Variants in TNKS observed in about 807,000 individuals in gnomAD.
TNKS encodes tankyrase.
A neutral mutation model predicts 135.8 loss-of-function variants in TNKS; 72 were observed. The observed-to-expected ratio is 0.53, with a 90% CI of 0.44 to 0.64. The LOEUF is 0.64. TNKS is among the 30% of genes least tolerant of loss of function. The pLI, the probability that TNKS is intolerant of heterozygous loss-of-function variation, is 0.00. For missense variants in TNKS, 1,769 were observed against 1,674.0 expected (o/e 1.06, Z -0.99); for synonymous variants, 849 against 649.3 (o/e 1.31, Z -4.68).
rs554253791 is a variant in TNKS at position 9,778,526 on chromosome 8, T to C, written c.*1790T>C. 3.3e-5 allele frequency: 5 copies of C among 152,788 alleles called. No individual in the cohort carries two copies. Among genetic ancestry groups the C allele is most frequent in the Non-Finnish European group, 1.5e-5 (1 of 68,030 alleles). The allele number at this position is 152,788 out of a possible 1,614,324, so 9.5% of individuals were successfully genotyped here. A position where few individuals can be genotyped will look rare whatever the true frequency, so the allele number is the denominator to read the frequency against. Reference sequence around the variant, plus strand: ...TTGAATGTTTGTAGCTGAATTTTTATGGGTCCTCAAAATTAAATCGAGAAT... The same window carrying C: ...TTGAATGTTTGTAGCTGAATTTTTACGGGTCCTCAAAATTAAATCGAGAAT... On this transcript the variant is annotated 3_prime_UTR_variant, in exon 27 of 27. Coordinates refer to ENST00000310430, the MANE Select transcript of TNKS (RefSeq NM_003747.3).
chr8:9,706,516 C>T (rs1804053603), intron 7 of TNKS, among the ~76,000 whole-genome samples: 1 of 152,182 alleles, frequency 6.6e-6, no homozygotes, highest in Non-Finnish European at 1.5e-5. Flanking sequence ...GGGTGTGCCA[C>T]CACGCACAGC....
intron 2 of TNKS, among the ~76,000 whole-genome samples, chr8:9,609,269 G>A (rs1208062548): frequency 6.6e-6 from 1 of 152,144 alleles, no homozygotes; most frequent in East Asian, 1.9e-4. Context: ...TATCTTGGCT[G>A]TGCACTGGAC....
intron 3 of TNKS, among the ~76,000 whole-genome samples, chr8:9,675,887 G>C (rs1802510994): frequency 6.6e-6 from 1 of 152,060 alleles, no homozygotes; most frequent in Non-Finnish European, 1.5e-5. Flanking sequence ...CTGAAATTGG[G>C]GTTGAGGTGA....
Position 9,576,429 on chromosome 8 carries a change from A to G in TNKS, c.674-3730A>G, listed in dbSNP as rs540956742. ...GGAAGCAATCATGGTGGGGCAGGAG[A>G]GAGACAGCAGAAAGCGGGAGGTGCC... On this transcript the variant is annotated intron_variant, in intron 1 of 26. Coordinates refer to ENST00000310430, the MANE Select transcript of TNKS (RefSeq NM_003747.3). Among the ~76,000 whole-genome samples the G allele has an allele frequency of 1.3e-4, 19 of 151,458 alleles. 3 individuals carry two copies. Among genetic ancestry groups the G allele is most frequent in the African/African-American group, 4.1e-4 (17 of 41,368 alleles).
intron 20 of TNKS, among the ~76,000 whole-genome samples, chr8:9,755,489 A>G (rs1391449758): frequency 6.6e-6 from 1 of 152,224 alleles, no homozygotes; most frequent in Non-Finnish European, 1.5e-5. Context: ...TGTCTGGCCC[A>G]ATCATCAAGC....
intron 5 of TNKS, among the ~76,000 whole-genome samples, chr8:9,700,064 A>G (rs1803721609): frequency 6.6e-6 from 1 of 152,122 alleles, no homozygotes; most frequent in Admixed American, 6.5e-5. Context: ...TCTTCTGAGA[A>G]TCTTCCCTGG....
intron 3 of TNKS, among the ~76,000 whole-genome samples, chr8:9,652,803 C>G (rs1801193815): frequency 6.6e-6 from 1 of 152,004 alleles, no homozygotes; most frequent in Admixed American, 6.6e-5. Flanking sequence ...TGTTTTATTT[C>G]CATTATCCCT....
In TNKS at chr8:9,751,727, C is replaced by T. The variant is rs374610047; in HGVS notation, c.2951C>T (p.Ser984Phe). The T allele has an allele frequency of 6.2e-7, 1 of 1,614,220 alleles. No homozygotes were observed. The highest frequency in any genetic ancestry group is 8.5e-7 in the Non-Finnish European group (1 of 1,180,030). ...ASLISPASTPSCLSAASSIDN... is the reference protein window; with the variant it reads ...ASLISPASTPFCLSAASSIDN... ...CTGATCTCACCAGCATCCACCCCCT[C>T]CTGCCTCTCGGCTGCCAGCAGCATA... Residue 984 changes from serine to phenylalanine, a missense_variant, in exon 19 of 27, where the codon TCC becomes TTC. Around this residue, in one of 5 missense-constraint regions of TNKS, gnomAD observed 722 missense variants for 688.9 expected, o/e 1.05. Transcript: ENST00000310430.
At chr8:9,679,016 A>G (rs1332948826) in intron 3 of TNKS, among the ~76,000 whole-genome samples, 5 of 152,170 alleles carry the variant, frequency 3.3e-5, no homozygotes, top group Admixed American at 6.5e-5. Flanking sequence ...TTGTCCTTCA[A>G]TTGAGCTTGC....
Position 9,735,494 on chromosome 8 carries a change from T to C in TNKS, c.2643+8T>C. On this transcript the variant is annotated splice_region_variant and intron_variant, in intron 17 of 26. Coordinates refer to ENST00000310430, the MANE Select transcript of TNKS (RefSeq NM_003747.3). ...AATGCGGCATCTTATGGGGTAAGCA[T>C]ACTAACATTAAAATCTAGAAAACTG... 1.2e-6 allele frequency: 2 copies of C among 1,609,174 alleles called. No individual in the cohort carries two copies. The highest frequency in any genetic ancestry group is 1.3e-5 in the African/African-American group (1 of 74,928).
intron 3 of TNKS, among the ~76,000 whole-genome samples, chr8:9,622,471 A>C (rs1433183968): frequency 6.6e-6 from 1 of 152,212 alleles, no homozygotes; most frequent in East Asian, 1.9e-4. Context: ...TCATTTTTAC[A>C]GATGGAGAGG....
intron 3 of TNKS, among the ~76,000 whole-genome samples, chr8:9,676,694 G>A (rs555455977): frequency 6.6e-6 from 1 of 151,346 alleles, no homozygotes; most frequent in Admixed American, 6.6e-5. Flanking sequence ...CTCTGTGTGT[G>A]TGTGTGTGTG....
intron 20 of TNKS, among the ~76,000 whole-genome samples, chr8:9,760,729 A>G (rs779662933): frequency 1.3e-5 from 2 of 152,336 alleles, no homozygotes; most frequent in South Asian, 2.1e-4. Flanking sequence ...ACTTTAGTCC[A>G]TAAAGGAATT....
chr8:9,671,830 A>T (rs928758237), intron 3 of TNKS, among the ~76,000 whole-genome samples: 7 of 152,252 alleles, frequency 4.6e-5, no homozygotes, highest in African/African-American at 1.7e-4. Flanking sequence ...TCAAGGTTTC[A>T]GTGACCTGTG....
intron 12 of TNKS, among the ~76,000 whole-genome samples, chr8:9,724,352 C>G (rs1325516789): frequency 2.6e-5 from 4 of 152,004 alleles, no homozygotes; most frequent in African/African-American, 7.3e-5. Flanking sequence ...ACTCAGGAGG[C>G]TAAGACAAGA....
chr8:9,595,999 C>G (rs879283281), intron 2 of TNKS, among the ~76,000 whole-genome samples: 4 of 152,056 alleles, frequency 2.6e-5, no homozygotes, highest in South Asian at 4.2e-4. Context: ...GTGGTCCTAG[C>G]TACTTGGAAG....
intron 20 of TNKS, among the ~76,000 whole-genome samples, chr8:9,760,686 A>G (rs924903566): frequency 6.6e-6 from 1 of 152,188 alleles, no homozygotes; most frequent in African/African-American, 2.4e-5. Flanking sequence ...TGTGTTCAGA[A>G]TGTAGCCACT....
intron 2 of TNKS, among the ~76,000 whole-genome samples, chr8:9,585,386 G>C (rs11775432): frequency 0.13 from 19,150 of 151,946 alleles, 1,436 homozygotes; most frequent in Admixed American, 0.23. Flanking sequence ...GAAGAGATCA[G>C]TAATAATTAA....
In TNKS at chr8:9,748,202, A is replaced by G. The variant is rs749452941; in HGVS notation, c.2822A>G (p.Asp941Gly). 12 of 1,554,880 alleles carry G rather than the reference A, an allele frequency of 7.7e-6. No individual in the cohort carries two copies. Among genetic ancestry groups the G allele is most frequent in the Non-Finnish European group, 8.7e-6 (10 of 1,149,796 alleles). Reference protein sequence around the residue: ...MKNQEGQTPLDLATADDIRAL... With the variant: ...MKNQEGQTPLGLATADDIRAL... ...AACCAGGAAGGCCAGACGCCTCTGGATCTGGCAACAGTAAGTCCTCATTTC... is the reference window on the plus strand; with the variant it reads ...AACCAGGAAGGCCAGACGCCTCTGGGTCTGGCAACAGTAAGTCCTCATTTC... The change falls in exon 18 of 27, where the codon GAT (aspartate) becomes GGT (glycine). Residue 941 changes from aspartate (D) to glycine (G), a missense_variant. Coordinates refer to ENST00000310430, the MANE Select transcript of TNKS (RefSeq NM_003747.3).
Sources: gnomAD v4.1 joint callset for allele counts (sites outside exome capture counted in the v4.1 genomes callset) on GRCh38, gnomAD v4.1.1 for gene constraint, gnomAD v4.1.1 regional missense constraint, MANE v1.5 for transcripts, NCBI Gene and HGNC (gene_info 2026-07-23, HGNC 2026-07-21) for gene names.